UBAC2: variants seen among roughly 807,000 people sequenced by gnomAD.
UBAC2 encodes UBA domain containing 2.
Under a neutral mutation model 44.0 loss-of-function variants are expected in UBAC2, and 26 were observed. The observed-to-expected ratio is 0.59, with a 90% CI of 0.43 to 0.82. The LOEUF (loss-of-function observed/expected upper bound fraction) is 0.82, where lower values mean the gene tolerates loss of function less well. Ranked by LOEUF, UBAC2 falls within the 40% of genes least tolerant of loss-of-function variation. UBAC2 has a pLI of 0.00. For missense variants in UBAC2, 329 were observed against 419.4 expected, an observed-to-expected ratio of 0.78 and a Z score of 1.88; for synonymous variants, 155 against 154.3, an observed-to-expected ratio of 1.00 and a Z score of -0.04.
intron 1 of UBAC2, among the ~76,000 whole-genome samples, chr13:99,224,946 G>A (rs2043094624): frequency 6.6e-6 from 1 of 152,078 alleles, no homozygotes; most frequent in African/African-American, 2.4e-5. Flanking sequence ...CAACTGTTTG[G>A]ATATTTGTGT....
chr13:99,327,177 C>A (rs1353404598), intron 6 of UBAC2, among the ~76,000 whole-genome samples: 5 of 152,184 alleles, frequency 3.3e-5, no homozygotes, highest in African/African-American at 9.7e-5. Context: ...CTTGCATTGT[C>A]ATACTCAATC....
chr13:99,255,366 G>C (rs774634231), intron 4 of UBAC2: 19 of 1,614,038 alleles, frequency 1.2e-5, no homozygotes, highest in Non-Finnish European at 1.5e-5. Context: ...GGCAGGTGGC[G>C]GGAGTGGAGT....
chr13:99,332,202 G>A (rs1461866944), intron 6 of UBAC2, among the ~76,000 whole-genome samples: 1 of 152,162 alleles, frequency 6.6e-6, no homozygotes, highest in African/African-American at 2.4e-5. Context: ...CGACACCTGT[G>A]TGTCATTGCA....
At chr13:99,223,325 T>A (rs1220692167) in intron 1 of UBAC2, among the ~76,000 whole-genome samples, 1 of 152,172 alleles carries the variant, frequency 6.6e-6, no homozygotes, top group Non-Finnish European at 1.5e-5. Flanking sequence ...TGATGCCTCC[T>A]CTTTATTCCT....
In UBAC2 at chr13:99,367,586, C is replaced by T. The variant is rs566022597; in HGVS notation, c.808-201C>T. Among the ~76,000 whole-genome samples, 5 of 152,326 alleles carry T rather than the reference C, an allele frequency of 3.3e-5. No individual in the cohort carries two copies. The East Asian group carries it at 9.6e-4, about 29-fold the overall frequency. The stretch of plus-strand genomic sequence containing the variant: ...CTATTACTTTCTTTTCTCCTGAGCA[C>T]CTACTGCAGGCTGCCAATTTTGTGC... On this transcript the variant is annotated intron_variant, in intron 7 of 8. Transcript: ENST00000403766.
intron 2 of UBAC2, among the ~76,000 whole-genome samples, chr13:99,239,907 G>A (rs2043281139): frequency 1.3e-5 from 2 of 152,278 alleles, no homozygotes; most frequent in Middle Eastern, 3.4e-3. Context: ...ACCAGTATTG[G>A]GGGCCTACCT....
intron 6 of UBAC2, among the ~76,000 whole-genome samples, chr13:99,321,623 C>T (rs1463815108): frequency 6.6e-6 from 1 of 152,072 alleles, no homozygotes; most frequent in Non-Finnish European, 1.5e-5. Flanking sequence ...TTTAATCTCT[C>T]CTCGGTGTCC....
chr13:99,245,190 A>G (rs1185203502), intron 4 of UBAC2, among the ~76,000 whole-genome samples: 3 of 152,168 alleles, frequency 2.0e-5, no homozygotes, highest in Non-Finnish European at 4.4e-5. Context: ...TGAATTTCCT[A>G]TTCTGATCCT....
intron 4 of UBAC2, among the ~76,000 whole-genome samples, chr13:99,281,886 G>A (rs1360072163): frequency 1.3e-5 from 2 of 152,146 alleles, no homozygotes; most frequent in Non-Finnish European, 2.9e-5. Context: ...CGGTCTCAGT[G>A]GCCAGAGTGT....
chr13:99,379,129 C>G (rs1277670796), intron 8 of UBAC2, among the ~76,000 whole-genome samples: 4 of 152,226 alleles, frequency 2.6e-5, no homozygotes, highest in Non-Finnish European at 5.9e-5. Flanking sequence ...TAATAATGGT[C>G]TGGTAAGAAA....
At chr13:99,297,842 G>C (rs561996971) in intron 4 of UBAC2, among the ~76,000 whole-genome samples, 77 of 151,802 alleles carry the variant, frequency 5.1e-4, no homozygotes, top group Admixed American at 4.6e-3. Flanking sequence ...TTGCTGCTTA[G>C]AAGAGATACA....
At chr13:99,317,040 A>G (rs552419959) in intron 5 of UBAC2, among the ~76,000 whole-genome samples, 4 of 152,356 alleles carry the variant, frequency 2.6e-5, no homozygotes, top group African/African-American at 9.6e-5. Flanking sequence ...AAAGGTTCAG[A>G]TTTAAAGTTG....
At chr13:99,268,981 AG>A in intron 4 of UBAC2, among the ~76,000 whole-genome samples, 1 of 152,246 alleles carries the variant, frequency 6.6e-6, no homozygotes, top group South Asian at 2.1e-4. Context: ...GAGTTAAATA[AG>A]GGGGGAATGG....
At chr13:99,384,603 G>A (rs984803121) in intron 8 of UBAC2, among the ~76,000 whole-genome samples, 3 of 152,362 alleles carry the variant, frequency 2.0e-5, no homozygotes, top group South Asian at 2.1e-4. Context: ...TGCTGCCTGC[G>A]TAAGCCCCAG....
intron 4 of UBAC2, among the ~76,000 whole-genome samples, chr13:99,310,070 T>C (rs2044391968): frequency 6.6e-6 from 1 of 152,262 alleles, no homozygotes; most frequent in East Asian, 1.9e-4. Context: ...CTCACGCCTG[T>C]AATCTCAGCA....
intron 1 of UBAC2, among the ~76,000 whole-genome samples, chr13:99,231,176 A>C (rs997245342): frequency 5.9e-5 from 9 of 152,198 alleles, no homozygotes; most frequent in Non-Finnish European, 1.3e-4. Flanking sequence ...GTGTAACCCA[A>C]CATAGTCACA....
At chr13:99,358,163 G>A (rs562954903) in intron 7 of UBAC2, among the ~76,000 whole-genome samples, 7 of 152,294 alleles carry the variant, frequency 4.6e-5, no homozygotes, top group African/African-American at 1.7e-4. Flanking sequence ...GCGGTGTTGT[G>A]AGAAAGTGAC....
intron 6 of UBAC2, among the ~76,000 whole-genome samples, chr13:99,328,715 A>C (rs759429751): frequency 9.2e-5 from 14 of 152,182 alleles, no homozygotes; most frequent in Non-Finnish European, 1.9e-4. Context: ...ACTTAAAATA[A>C]TTCTTTATAT....
At chr13:99,255,034 C>T (rs777935684) in intron 4 of UBAC2, 1 of 1,614,140 alleles carries the variant, frequency 6.2e-7, no homozygotes, top group Admixed American at 1.7e-5. Flanking sequence ...CACATCCAGA[C>T]ACGTGCTGAG....
Sources: gnomAD v4.1 joint callset for allele counts (sites outside exome capture counted in the v4.1 genomes callset) on GRCh38, gnomAD v4.1.1 for gene constraint, MANE v1.5 for transcripts, NCBI Gene and HGNC (gene_info 2026-07-23, HGNC 2026-07-21) for gene names.